The following SOX6 variants were observed in gnomAD, a reference collection of about 807,000 sequenced individuals.
The protein encoded by SOX6 is transcription factor SOX-6.
In SOX6, 11 loss-of-function variants were observed where a neutral mutation model predicts 97.8. That is an observed-to-expected ratio of 0.11 (90% CI 0.07 to 0.19). The LOEUF (loss-of-function observed/expected upper bound fraction) is 0.19, where lower values mean the gene tolerates loss of function less well. Among genes scored for constraint, SOX6 ranks in the 10% least tolerant of loss-of-function variants. SOX6 has a pLI of 1.00. For synonymous variants in SOX6, 360 were observed against 371.4 expected (o/e 0.97, Z 0.35); for missense variants, 810 against 1,039.5 (o/e 0.78, Z 3.04).
At chr11:15,981,946 G>A (rs562311820) in intron 15 of SOX6, among the ~76,000 whole-genome samples, 2 of 152,076 alleles carry the variant, frequency 1.3e-5, no homozygotes, top group South Asian at 4.1e-4. Context: ...TATGTCATTG[G>A]TATTGTCATT....
chr11:16,173,985 A>G (rs1034686064), intron 6 of SOX6, among the ~76,000 whole-genome samples: 1 of 150,826 alleles, frequency 6.6e-6, no homozygotes, highest in African/African-American at 2.4e-5. Context: ...AGCTAGGACT[A>G]CAGATGCATG....
intron 3 of SOX6, among the ~76,000 whole-genome samples, chr11:16,638,739 A>G (rs182248745): frequency 1.1e-4 from 17 of 152,246 alleles, no homozygotes; most frequent in African/African-American, 3.4e-4. Context: ...GTCTGTTCAT[A>G]TCTTTCACCC....
chr11:16,493,662 A>T (rs1309223225), intron 4 of SOX6, among the ~76,000 whole-genome samples: 2 of 152,190 alleles, frequency 1.3e-5, no homozygotes, highest in East Asian at 1.9e-4. Context: ...AAAGGTTAAA[A>T]ACAAGTTTTT....
rs553167709 is a variant in SOX6 at position 16,525,552 on chromosome 11, C to G, written n.610-49164G>C. On this transcript the variant is annotated intron_variant and non_coding_transcript_variant, in intron 4 of 5. Coordinates refer to the SOX6 transcript ENST00000524520. ...CCCTAGAAGAAAACCTAGGCATTACCATTCAGGACATAGGCATGGGCAAGG... is the reference window on the plus strand; with the variant it reads ...CCCTAGAAGAAAACCTAGGCATTACGATTCAGGACATAGGCATGGGCAAGG... 1.2e-3 allele frequency among the ~76,000 whole-genome samples: 189 copies of G among 151,508 alleles called. 1 individual carries two copies. Among genetic ancestry groups the G allele is most frequent in the African/African-American group, 4.5e-3 (185 of 41,344 alleles).
At chr11:16,339,078 C>G (rs1371340659) in intron 2 of SOX6, among the ~76,000 whole-genome samples, 1 of 152,032 alleles carries the variant, frequency 6.6e-6, no homozygotes, top group Non-Finnish European at 1.5e-5. Flanking sequence ...TCCTTTCTCT[C>G]TAGCCACTCT....
At chr11:16,397,028 T>C (rs1003018122) in intron 1 of SOX6, among the ~76,000 whole-genome samples, 1 of 151,376 alleles carries the variant, frequency 6.6e-6, no homozygotes, top group Non-Finnish European at 1.5e-5. Context: ...AACACCTCAC[T>C]GAATCTTTAC....
chr11:16,183,428 C>T (rs938836839), intron 6 of SOX6, among the ~76,000 whole-genome samples: 22 of 151,944 alleles, frequency 1.4e-4, no homozygotes, highest in African/African-American at 5.3e-4. Context: ...AGAAGGAATA[C>T]AATTAATATT....
At chr11:16,257,212 T>G (rs1164616440) in intron 3 of SOX6, among the ~76,000 whole-genome samples, 1 of 151,868 alleles carries the variant, frequency 6.6e-6, no homozygotes, top group Admixed American at 6.6e-5. Flanking sequence ...AAACTGATTC[T>G]AAAGTTTCTA....
At chr11:16,266,282 T>C (rs1193940247) in intron 3 of SOX6, among the ~76,000 whole-genome samples, 3 of 151,658 alleles carry the variant, frequency 2.0e-5, no homozygotes, top group African/African-American at 7.2e-5. Flanking sequence ...CATTTTTAAG[T>C]ACTAAAATAA....
chr11:16,481,985 A>G (rs967145160), intron 4 of SOX6, among the ~76,000 whole-genome samples: 2 of 152,186 alleles, frequency 1.3e-5, no homozygotes, highest in Non-Finnish European at 2.9e-5. Context: ...ACATTGCTTT[A>G]CATCTTTGCA....
intron 3 of SOX6, among the ~76,000 whole-genome samples, chr11:16,651,206 T>G (rs1056670247): frequency 6.6e-6 from 1 of 152,022 alleles, no homozygotes; most frequent in African/African-American, 2.4e-5. Context: ...GAAAAATCAG[T>G]ACCAACCTTA....
intron 6 of SOX6, among the ~76,000 whole-genome samples, chr11:16,147,514 TAA>T (rs1028307061): frequency 6.6e-6 from 1 of 151,840 alleles, no homozygotes; most frequent in African/African-American, 2.4e-5. Flanking sequence ...TAAAAAAAAA[TAA>T]AAGAGTCCAT....
chr11:16,466,706 G>A (rs61881803), intron 1 of SOX6, among the ~76,000 whole-genome samples: 11 of 150,620 alleles, frequency 7.3e-5, no homozygotes, highest in Middle Eastern at 3.4e-3. Context: ...CGAGGCAGGC[G>A]GATCACGAGG....
chr11:16,561,835 A>G (rs1204685319), intron 4 of SOX6, among the ~76,000 whole-genome samples: 1 of 151,642 alleles, frequency 6.6e-6, no homozygotes, highest in African/African-American at 2.4e-5. Context: ...GCTCAAAAGA[A>G]CCTCCACCTC....
chr11:16,022,642 A>T (rs1368263090), intron 12 of SOX6, among the ~76,000 whole-genome samples: 4 of 151,998 alleles, frequency 2.6e-5, no homozygotes. Flanking sequence ...TGAACTCCTG[A>T]CCTCAGGTGA....
intron 12 of SOX6, among the ~76,000 whole-genome samples, chr11:16,027,277 AT>A (rs1156589662): frequency 6.6e-6 from 1 of 152,208 alleles, no homozygotes; most frequent in Non-Finnish European, 1.5e-5. Flanking sequence ...AGAAATCATC[AT>A]TTTTAGTTAT....
chr11:16,549,129 TTAATGAGATACAG>T (rs1847651215), intron 4 of SOX6, among the ~76,000 whole-genome samples: 1 of 152,154 alleles, frequency 6.6e-6, no homozygotes, highest in Admixed American at 6.6e-5. Context: ...CATTTAAAAC[TTAATGAGATACAG>T]TACTAATAGA....
At chr11:16,463,115 G>A (rs1331021529) in intron 1 of SOX6, among the ~76,000 whole-genome samples, 1 of 152,154 alleles carries the variant, frequency 6.6e-6, no homozygotes, top group Non-Finnish European at 1.5e-5. Context: ...TTGTAATTGA[G>A]AATATTCTAA....
chr11:16,693,706 G>A (rs571763223), intron 3 of SOX6, among the ~76,000 whole-genome samples: 80 of 152,252 alleles, frequency 5.3e-4, no homozygotes, highest in African/African-American at 1.9e-3. Context: ...GGATGTAAAT[G>A]TAATGGTTCC....
Sources: gnomAD v4.1 joint callset for allele counts (sites outside exome capture counted in the v4.1 genomes callset) on GRCh38, gnomAD v4.1.1 for gene constraint, MANE v1.5 for transcripts, NCBI Gene and HGNC (gene_info 2026-07-23, HGNC 2026-07-21) for gene names.